Variants in FBXL20 observed in about 807,000 individuals in gnomAD.
FBXL20 encodes F-box/LRR-repeat protein 20.
Under a neutral mutation model 64.0 loss-of-function variants are expected in FBXL20, and 11 were observed. The observed-to-expected ratio is 0.17, with a 90% CI of 0.11 to 0.28. FBXL20 has a LOEUF of 0.28. Ranked by LOEUF, FBXL20 falls within the 10% of genes least tolerant of loss-of-function variation. The pLI is 1.00. For synonymous variants in FBXL20, 184 were observed against 189.0 expected (o/e 0.97, Z 0.22); for missense variants, 303 against 526.2 (o/e 0.58, Z 4.15).
At chr17:39,330,373 G>A (rs1207582918) in intron 2 of FBXL20, among the ~76,000 whole-genome samples, 1 of 152,030 alleles carries the variant, frequency 6.6e-6, no homozygotes, top group Non-Finnish European at 1.5e-5. Context: ...CAGCACTTTG[G>A]GAGGTTGAGG....
chr17:39,305,088 TAC>T (rs1254516402), intron 2 of FBXL20, among the ~76,000 whole-genome samples: 2 of 151,888 alleles, frequency 1.3e-5, no homozygotes, highest in Non-Finnish European at 2.9e-5. Context: ...TGAAGTATTT[TAC>T]AGTTATGAAG....
chr17:39,266,267 T>A (rs1230741119), intron 12 of FBXL20, among the ~76,000 whole-genome samples: 1 of 150,532 alleles, frequency 6.6e-6, no homozygotes, highest in African/African-American at 2.5e-5. Flanking sequence ...TTGCCCAGGC[T>A]GGAGTGTGGT....
chr17:39,327,239 C>G (rs2047417645), intron 2 of FBXL20, among the ~76,000 whole-genome samples: 1 of 152,080 alleles, frequency 6.6e-6, no homozygotes. Context: ...ACATACCCAG[C>G]CTCAAAGTTA....
At position 39,333,264 on chromosome 17, in the gene FBXL20, G is replaced by A. The variant is rs1184462778; in HGVS notation, c.104+9916C>T. Reference sequence around the variant, plus strand: ...CTCCCTGCCTGATTCTCCTGCCTCAGCCTGCCGAGTGCCTGGGATTGCAGG... The same window carrying A: ...CTCCCTGCCTGATTCTCCTGCCTCAACCTGCCGAGTGCCTGGGATTGCAGG... On this transcript the variant is annotated intron_variant, in intron 2 of 14. Coordinates refer to ENST00000264658, the MANE Select transcript of FBXL20 (RefSeq NM_032875.3). Among the ~76,000 whole-genome samples, 8 of 152,230 alleles carry A rather than the reference G, an allele frequency of 5.3e-5. 1 individual carries two copies. Among genetic ancestry groups the A allele is most frequent in the Admixed American group, 5.2e-4 (8 of 15,284 alleles).
chr17:39,348,102 TAG>T (rs1263309156), intron 1 of FBXL20, among the ~76,000 whole-genome samples: 4 of 150,858 alleles, frequency 2.7e-5, no homozygotes, highest in Admixed American at 6.6e-5. Context: ...TTTTTTTTGG[TAG>T]AGAGAGAGTC....
intron 6 of FBXL20, among the ~76,000 whole-genome samples, chr17:39,288,623 A>T (rs2047009721): frequency 6.6e-6 from 1 of 151,356 alleles, no homozygotes; most frequent in Non-Finnish European, 1.5e-5. Context: ...GCCTTTTCCG[A>T]TTATTATTTT....
chr17:39,271,768 A>C (rs2046846321), intron 10 of FBXL20, among the ~76,000 whole-genome samples: 1 of 152,170 alleles, frequency 6.6e-6, no homozygotes, highest in Non-Finnish European at 1.5e-5. Flanking sequence ...CTTATTAAGC[A>C]ACTGTTAAAC....
At chr17:39,279,123 G>A (rs1009791600) in intron 9 of FBXL20, among the ~76,000 whole-genome samples, 5 of 151,990 alleles carry the variant, frequency 3.3e-5, no homozygotes, top group Non-Finnish European at 5.9e-5. Flanking sequence ...CAGCCTGGGC[G>A]ATACAGCGAG....
intron 2 of FBXL20, among the ~76,000 whole-genome samples, chr17:39,312,130 G>C (rs1219952394): frequency 6.6e-6 from 1 of 152,056 alleles, no homozygotes; most frequent in African/African-American, 2.4e-5. Flanking sequence ...AAAGTAGTAA[G>C]AACTGGCCGG....
intron 12 of FBXL20, among the ~76,000 whole-genome samples, chr17:39,265,663 G>A (rs1298983184): frequency 6.6e-6 from 1 of 151,368 alleles, no homozygotes; most frequent in African/African-American, 2.4e-5. Flanking sequence ...CAAGCCACCA[G>A]GACTAATTTT....
chr17:39,381,689 G>A (rs1363027185), intron 1 of FBXL20, among the ~76,000 whole-genome samples: 2 of 151,640 alleles, frequency 1.3e-5, no homozygotes, highest in South Asian at 2.1e-4. Flanking sequence ...TACTCAGGGG[G>A]CTGAGGTGGG....
rs1272823093 is a variant in FBXL20, at chr17:39,301,091, A to T, written c.160-16T>A. 1 of 1,611,002 alleles carries T rather than the reference A, an allele frequency of 6.2e-7. No individual in the cohort carries two copies. Among genetic ancestry groups the T allele is most frequent in the South Asian group, 1.1e-5 (1 of 90,900 alleles). On this transcript the variant is annotated splice_polypyrimidine_tract_variant and intron_variant, in intron 3 of 14. Transcript: ENST00000264658. ...CATTCCAGGCCTATTTTAAAGAAAA[A>T]GAGACAGAATGAGCAGAAGCTAAAA...
intron 1 of FBXL20, among the ~76,000 whole-genome samples, chr17:39,366,942 G>C (rs1203104790): frequency 6.6e-6 from 1 of 150,638 alleles, no homozygotes; most frequent in Non-Finnish European, 1.5e-5. Flanking sequence ...GGAGTGCAGT[G>C]GCACAATCTC....
Position 39,259,603 on chromosome 17 carries a change from G to A in FBXL20, c.*1857C>T, listed in dbSNP as rs551025285. On this transcript the variant is annotated 3_prime_UTR_variant, in exon 15 of 15. Coordinates refer to ENST00000264658, the MANE Select transcript of FBXL20 (RefSeq NM_032875.3). ...CCCTCAGTTCTAGTGCCCAGGCTAA[G>A]CAGAGACACTAAACCCCTTACTTCC... 1 of 152,220 alleles carries A rather than the reference G, an allele frequency of 6.6e-6. No homozygotes were observed. The highest frequency in any genetic ancestry group is 2.4e-5 in the African/African-American group (1 of 41,536). The allele number at this position is 152,220 out of a possible 1,614,324, so 9.4% of individuals were successfully genotyped here.
chr17:39,375,904 G>C (rs2047962558), intron 1 of FBXL20, among the ~76,000 whole-genome samples: 3 of 152,108 alleles, frequency 2.0e-5, no homozygotes, highest in Admixed American at 2.0e-4. Context: ...CAGATCACGA[G>C]GTCAGGAGTT....
At chr17:39,328,482 A>G (rs997352451) in intron 2 of FBXL20, among the ~76,000 whole-genome samples, 1 of 152,138 alleles carries the variant, frequency 6.6e-6, no homozygotes, top group South Asian at 2.1e-4. Context: ...CACTGGCTAA[A>G]TCTGAAACAG....
intron 1 of FBXL20, among the ~76,000 whole-genome samples, chr17:39,388,650 A>G (rs56380692): frequency 6.6e-6 from 1 of 150,686 alleles, no homozygotes; most frequent in Non-Finnish European, 1.5e-5. Flanking sequence ...TGCCCAGCTA[A>G]TTTTTATACT....
chr17:39,402,302 C>T, upstream of FBXL20: 4 of 921,206 alleles, frequency 4.3e-6, no homozygotes, highest in Non-Finnish European at 5.7e-6. Flanking sequence ...CGCCGCCTCC[C>T]CCGCCTCCCC....
At chr17:39,389,877 C>G (rs1156673149) in intron 1 of FBXL20, among the ~76,000 whole-genome samples, 1 of 152,124 alleles carries the variant, frequency 6.6e-6, no homozygotes, top group Non-Finnish European at 1.5e-5. Context: ...CATGTCATAG[C>G]TTTACTTTCT....
Sources: gnomAD v4.1 joint callset for allele counts (sites outside exome capture counted in the v4.1 genomes callset) on GRCh38, gnomAD v4.1.1 for gene constraint, MANE v1.5 for transcripts, NCBI Gene and HGNC (gene_info 2026-07-23, HGNC 2026-07-21) for gene names.